NELL1: variants seen among roughly 807,000 people sequenced by gnomAD.
The protein encoded by NELL1 is neural EGFL like 1.
Under a neutral mutation model 107.4 loss-of-function variants are expected in NELL1, and 76 were observed. The ratio of observed to expected loss-of-function variants is 0.71; its 90% CI spans 0.59 to 0.86. The LOEUF (loss-of-function observed/expected upper bound fraction) is 0.86, where lower values mean the gene tolerates loss of function less well. NELL1 is among the 40% of genes least tolerant of loss of function. The pLI is 0.00. For synonymous variants in NELL1, 353 were observed against 341.2 expected (o/e 1.03, Z -0.38); for missense variants, 1,024 against 1,005.5 (o/e 1.02, Z -0.25).
intron 12 of NELL1, among the ~76,000 whole-genome samples, chr11:20,965,216 G>A (rs1175112956): frequency 6.6e-6 from 1 of 152,138 alleles, no homozygotes; most frequent in Admixed American, 6.5e-5. Context: ...AAGTTATAAA[G>A]CAATGTTTTG....
At chr11:20,849,537 T>C (rs1008739744) in intron 4 of NELL1, among the ~76,000 whole-genome samples, 5 of 152,214 alleles carry the variant, frequency 3.3e-5, no homozygotes, top group African/African-American at 9.7e-5. Flanking sequence ...GTTCACAGTA[T>C]TCTTTAGAGT....
chr11:20,920,892 T>G (rs985492182), intron 7 of NELL1, among the ~76,000 whole-genome samples: 5 of 147,566 alleles, frequency 3.4e-5, no homozygotes, highest in Non-Finnish European at 7.4e-5. Context: ...AGCAAATTTT[T>G]TAATCCATCT....
At position 20,884,192 on chromosome 11, in the gene NELL1, C is replaced by T. The variant is rs532109130; in HGVS notation, c.507-1252C>T. 2.9e-4 allele frequency among the ~76,000 whole-genome samples: 44 copies of T among 152,248 alleles called. No homozygotes were observed. The South Asian group carries it at 8.7e-3, about 30-fold the overall frequency. ...GCAGCTAAGATATAAGACTGCAGCGCGACAGCTCCCAACTGCAGCAGGCTC... is the reference window on the plus strand; with the variant it reads ...GCAGCTAAGATATAAGACTGCAGCGTGACAGCTCCCAACTGCAGCAGGCTC... On this transcript the variant is annotated intron_variant, in intron 4 of 19. Coordinates refer to ENST00000357134, the MANE Select transcript of NELL1 (RefSeq NM_006157.5).
chr11:20,731,490 G>A (rs956987179), intron 2 of NELL1, among the ~76,000 whole-genome samples: 6 of 152,194 alleles, frequency 3.9e-5, no homozygotes, highest in Non-Finnish European at 7.3e-5. Context: ...AGGTGGAATT[G>A]TGTGTGTGAG....
At chr11:21,219,010 G>C (rs1857686748) in intron 13 of NELL1, among the ~76,000 whole-genome samples, 1 of 152,120 alleles carries the variant, frequency 6.6e-6, no homozygotes, top group Admixed American at 6.6e-5. Flanking sequence ...ACAGTAGTGA[G>C]ATTGCTGGAT....
At chr11:21,193,776 T>C (rs1051834021) in intron 13 of NELL1, among the ~76,000 whole-genome samples, 1 of 151,862 alleles carries the variant, frequency 6.6e-6, no homozygotes, top group Admixed American at 6.6e-5. Flanking sequence ...TTTTAGAGAT[T>C]GTCTGCTGGT....
At chr11:20,693,269 G>A (rs939020588) in intron 2 of NELL1, among the ~76,000 whole-genome samples, 3 of 152,056 alleles carry the variant, frequency 2.0e-5, no homozygotes, top group Admixed American at 6.5e-5. Flanking sequence ...TTTAACTGGA[G>A]CATTTAGTCC....
intron 13 of NELL1, among the ~76,000 whole-genome samples, chr11:21,131,308 C>G (rs1480397277): frequency 6.6e-6 from 1 of 152,098 alleles, no homozygotes; most frequent in Non-Finnish European, 1.5e-5. Context: ...TTATTATCCA[C>G]CTATTAAGCA....
At chr11:20,677,890 A>G (rs567633276) in intron 1 of NELL1, 42 bp from the exon 2 acceptor site, 9 of 1,610,842 alleles carry the variant, frequency 5.6e-6, no homozygotes, top group Admixed American at 1.7e-5. Context: ...TGCTAGTAAC[A>G]GTCTGCATTT....
chr11:20,873,069 C>T (rs1049491680), intron 4 of NELL1, among the ~76,000 whole-genome samples: 1 of 152,120 alleles, frequency 6.6e-6, no homozygotes, highest in Non-Finnish European at 1.5e-5. Flanking sequence ...AAACTAACAC[C>T]TAAATCTTCA....
intron 11 of NELL1, among the ~76,000 whole-genome samples, chr11:20,957,433 G>C (rs945826998): frequency 6.6e-6 from 1 of 152,164 alleles, no homozygotes; most frequent in African/African-American, 2.4e-5. Flanking sequence ...CCTCTCTGAA[G>C]AAATGCAGTT....
At chr11:20,791,845 C>T (rs894672720) in intron 3 of NELL1, among the ~76,000 whole-genome samples, 1 of 150,658 alleles carries the variant, frequency 6.6e-6, no homozygotes, top group African/African-American at 2.4e-5. Flanking sequence ...TCTTCACATG[C>T]TATTTCTATA....
chr11:20,982,032 T>C (rs903553457), intron 12 of NELL1, among the ~76,000 whole-genome samples: 2 of 151,994 alleles, frequency 1.3e-5, no homozygotes, highest in Admixed American at 6.6e-5. Context: ...ACAGGCAGAT[T>C]GGTTCAACTG....
chr11:20,821,434 T>G (rs1008265016), intron 3 of NELL1, among the ~76,000 whole-genome samples: 3 of 152,166 alleles, frequency 2.0e-5, no homozygotes, highest in African/African-American at 7.2e-5. Context: ...GTGGATGTAT[T>G]CATTCTTCTG....
chr11:20,830,903 C>T lies in NELL1; in HGVS notation c.336-16680C>T, dbSNP rs1338716260. Among the ~76,000 whole-genome samples, 8 of 152,090 alleles carry T rather than the reference C, an allele frequency of 5.3e-5. No homozygotes were observed. In the East Asian group the frequency reaches 1.4e-3, roughly 26 times the overall value. On this transcript the variant is annotated intron_variant, in intron 3 of 19. Transcript: ENST00000357134. ...TATGATCCAAACACTTCCCACTAGG[C>T]CCCACCCCCCAACACCACCACACTG...
chr11:20,918,161 C>T, intron 5 of NELL1, 21 bp from the exon 6 acceptor site: 1 of 1,444,346 alleles, frequency 6.9e-7, no homozygotes, highest in Non-Finnish European at 9.7e-7. Context: ...TTGATTGCCA[C>T]CTGTCTCTTC....
At chr11:21,336,668 T>TACACAC (rs561195381) in intron 14 of NELL1, among the ~76,000 whole-genome samples, 682 of 57,368 alleles carry the variant, frequency 0.012, 5 homozygotes, top group Middle Eastern at 0.045. Context: ...TATATATATA[T>TACACAC]ATATATACAC....
intron 15 of NELL1, among the ~76,000 whole-genome samples, chr11:21,478,239 C>T (rs1047261273): frequency 6.6e-6 from 1 of 152,002 alleles, no homozygotes; most frequent in Non-Finnish European, 1.5e-5. Flanking sequence ...GAAAATGATC[C>T]CTATGATCTA....
chr11:20,774,503 T>C (rs1278007595), intron 2 of NELL1, among the ~76,000 whole-genome samples: 1 of 150,762 alleles, frequency 6.6e-6, no homozygotes, highest in Non-Finnish European at 1.5e-5. Flanking sequence ...GTAGCTGAGA[T>C]TACAGGCATA....
Sources: gnomAD v4.1 joint callset for allele counts (sites outside exome capture counted in the v4.1 genomes callset) on GRCh38, gnomAD v4.1.1 for gene constraint, MANE v1.5 for transcripts, NCBI Gene and HGNC (gene_info 2026-07-23, HGNC 2026-07-21) for gene names.